The following ATP2B2 variants were observed in gnomAD, a reference collection of about 807,000 sequenced individuals.
The protein encoded by ATP2B2 is plasma membrane calcium-transporting ATPase 2.
Under a neutral mutation model 120.0 loss-of-function variants are expected in ATP2B2, and 15 were observed. That is an observed-to-expected ratio of 0.12 (90% CI 0.08 to 0.19). The LOEUF (loss-of-function observed/expected upper bound fraction) is 0.19, where lower values mean the gene tolerates loss of function less well. Among genes scored for constraint, ATP2B2 ranks in the 10% least tolerant of loss-of-function variants. The pLI is 1.00. For synonymous variants in ATP2B2, 694 were observed against 700.3 expected (o/e 0.99, Z 0.14); for missense variants, 1,045 against 1,719.8 (o/e 0.61, Z 6.94).
At chr3:10,613,715 G>A (rs891442847) in intron 2 of ATP2B2, among the ~76,000 whole-genome samples, 17 of 151,854 alleles carry the variant, frequency 1.1e-4, no homozygotes, top group Admixed American at 9.2e-4. Context: ...CCCGGATAAT[G>A]GTAACATTCT....
intron 2 of ATP2B2, among the ~76,000 whole-genome samples, chr3:10,424,138 C>G (rs894852729): frequency 6.6e-6 from 1 of 152,224 alleles, no homozygotes; most frequent in Non-Finnish European, 1.5e-5. Context: ...TGTGCTCCTA[C>G]ATGATCATCA....
intron 1 of ATP2B2, among the ~76,000 whole-genome samples, chr3:10,660,846 C>T (rs942154848): frequency 6.6e-6 from 1 of 152,130 alleles, no homozygotes; most frequent in Non-Finnish European, 1.5e-5. Flanking sequence ...CAAAAATCCT[C>T]AATAAAATAC....
At chr3:10,438,438 G>A (rs1018751494) in intron 2 of ATP2B2, among the ~76,000 whole-genome samples, 8 of 152,200 alleles carry the variant, frequency 5.3e-5, no homozygotes, top group Admixed American at 3.3e-4. Flanking sequence ...CCAATCCAGT[G>A]TCAGATACTC....
chr3:10,409,438 T>A (rs2125011661), intron 3 of ATP2B2, among the ~76,000 whole-genome samples: 1 of 152,356 alleles, frequency 6.6e-6, no homozygotes, highest in South Asian at 2.1e-4. Context: ...CAAATCACCC[T>A]AATTCCCTTT....
At chr3:10,363,133 G>A (rs755103362) in intron 12 of ATP2B2, among the ~76,000 whole-genome samples, 14 of 152,162 alleles carry the variant, frequency 9.2e-5, no homozygotes, top group Non-Finnish European at 1.8e-4. Flanking sequence ...CAAACAATCC[G>A]TGGTTGCAAA....
intron 1 of ATP2B2, among the ~76,000 whole-genome samples, chr3:10,483,908 C>T (rs2065517237): frequency 6.8e-6 from 1 of 147,762 alleles, no homozygotes; most frequent in African/African-American, 2.5e-5. Context: ...CACCCAGAGG[C>T]CCAGGGATCA....
In ATP2B2 at chr3:10,358,629, C is replaced by G; in HGVS notation, c.2136+62G>C. On this transcript the variant is annotated intron_variant, in intron 14 of 22. Coordinates refer to ENST00000360273, the MANE Select transcript of ATP2B2 (RefSeq NM_001001331.4). ...AGGTGAAGTGACTTACTCCAGGTCA[C>G]CCTGGTGGCTGGCCTCCCAGCCTCA... 4 of 1,526,400 alleles carry G rather than the reference C, an allele frequency of 2.6e-6. No individual in the cohort carries two copies. The Admixed American group carries it at 5.2e-5, about 20-fold the overall frequency. 94.6% of individuals were successfully genotyped at this position (1,526,400 alleles called of 1,614,324 possible). A position where few individuals can be genotyped will look rare whatever the true frequency, so the allele number is the denominator to read the frequency against.
Position 10,350,101 on chromosome 3 carries a change from C to T in ATP2B2, c.2404+11G>A, listed in dbSNP as rs1311710971. On this transcript the variant is annotated intron_variant, in intron 16 of 22. Coordinates refer to ENST00000360273, the MANE Select transcript of ATP2B2 (RefSeq NM_001001331.4). ...GGGCTTCAGGATTGCCCGTGCCCGC[C>T]CAAGTCTTACCTTTAACCAGGGTAT... 6.2e-7 allele frequency: 1 copy of T among 1,613,802 alleles called. No homozygotes were observed. The highest frequency in any genetic ancestry group is 1.7e-5 in the Admixed American group (1 of 59,992).
At chr3:10,491,731 A>T (rs1445876468) in intron 1 of ATP2B2, among the ~76,000 whole-genome samples, 1 of 152,232 alleles carries the variant, frequency 6.6e-6, no homozygotes, top group Admixed American at 6.5e-5. Context: ...CATTAAAAAA[A>T]GAAATGAACC....
intron 2 of ATP2B2, among the ~76,000 whole-genome samples, chr3:10,562,295 T>C (rs1007561394): frequency 6.6e-6 from 1 of 152,168 alleles, no homozygotes; most frequent in Non-Finnish European, 1.5e-5. Flanking sequence ...CCCATGGCAG[T>C]CTGACTGGTA....
chr3:10,592,227 T>C (rs2068661260), intron 2 of ATP2B2, among the ~76,000 whole-genome samples: 1 of 152,238 alleles, frequency 6.6e-6, no homozygotes, highest in Non-Finnish European at 1.5e-5. Flanking sequence ...GAATACTTAA[T>C]AGTATTGAGT....
intron 2 of ATP2B2, among the ~76,000 whole-genome samples, chr3:10,607,649 G>A (rs1031284666): frequency 6.6e-6 from 1 of 152,196 alleles, no homozygotes; most frequent in Non-Finnish European, 1.5e-5. Flanking sequence ...TAGGGACATG[G>A]CATCCACTTT....
intron 1 of ATP2B2, among the ~76,000 whole-genome samples, chr3:10,461,054 G>A (rs1184767130): frequency 8.5e-5 from 13 of 152,294 alleles, no homozygotes; most frequent in Middle Eastern, 3.4e-3. Flanking sequence ...CCAAGAATGC[G>A]GATGCTAGGA....
chr3:10,463,301 A>C (rs1238016134), intron 1 of ATP2B2, among the ~76,000 whole-genome samples: 1 of 152,120 alleles, frequency 6.6e-6, no homozygotes, highest in East Asian at 1.9e-4. Flanking sequence ...ACAGGCCTCC[A>C]CCAGGTCTGG....
chr3:10,341,606 T>C (rs1244606306), intron 19 of ATP2B2, among the ~76,000 whole-genome samples: 1 of 152,180 alleles, frequency 6.6e-6, no homozygotes, highest in Non-Finnish European at 1.5e-5. Context: ...CCACTGCACC[T>C]GGCCAAGTCC....
chr3:10,698,158 A>C (rs1189013335), intron 1 of ATP2B2, among the ~76,000 whole-genome samples: 1 of 152,206 alleles, frequency 6.6e-6, no homozygotes, highest in East Asian at 1.9e-4. Flanking sequence ...TGGTTTAGGC[A>C]TGGCCACGTG....
rs371539362 is a variant in ATP2B2 at position 10,360,143 on chromosome 3, C to G, written c.1660-20G>C. 6.4e-7 allele frequency: 1 copy of G among 1,567,616 alleles called. No individual in the cohort carries two copies. Among genetic ancestry groups the G allele is most frequent in the African/African-American group, 1.3e-5 (1 of 74,246 alleles). On this transcript the variant is annotated intron_variant, in intron 12 of 22. Coordinates refer to ENST00000360273, the MANE Select transcript of ATP2B2 (RefSeq NM_001001331.4). ...TGGGGGCTGCAGAGAGAGGAAGGAG[C>G]GGCTGGCACCTGGTGGGGCCTGTGT...
chr3:10,703,101 C>T (rs762593574), intron 1 of ATP2B2, among the ~76,000 whole-genome samples: 11 of 152,202 alleles, frequency 7.2e-5, no homozygotes, highest in Non-Finnish European at 1.5e-4. Context: ...CCCAGTCCTC[C>T]GTCATTCTTC....
intron 2 of ATP2B2, among the ~76,000 whole-genome samples, chr3:10,415,445 C>A (rs1462956026): frequency 6.6e-6 from 1 of 152,158 alleles, no homozygotes; most frequent in Non-Finnish European, 1.5e-5. Context: ...AGACAAGCCA[C>A]TTCTCTTCTC....
Sources: gnomAD v4.1 joint callset for allele counts (sites outside exome capture counted in the v4.1 genomes callset) on GRCh38, gnomAD v4.1.1 for gene constraint, MANE v1.5 for transcripts, NCBI Gene and HGNC (gene_info 2026-07-23, HGNC 2026-07-21) for gene names.